The following LTBP1 variants were observed in gnomAD, a reference collection of about 807,000 sequenced individuals.
The protein encoded by LTBP1 is latent transforming growth factor beta binding protein 1, also known as latent-transforming growth factor beta-binding protein 1.
LTBP1 carries 129 observed loss-of-function variants against 207.6 expected under a neutral mutation model. The observed-to-expected ratio is 0.62, with a 90% CI of 0.54 to 0.72. LTBP1 has a LOEUF of 0.72. LTBP1 is among the 30% of genes least tolerant of loss of function. The pLI, the probability that LTBP1 is intolerant of heterozygous loss-of-function variation, is 0.00. For missense variants in LTBP1, 2,281 were observed against 2,217.2 expected, an observed-to-expected ratio of 1.03 and a Z score of -0.58; for synonymous variants, 963 against 833.7, an observed-to-expected ratio of 1.16 and a Z score of -2.67.
At chr2:33,044,357 A>G (rs1419556461) in intron 3 of LTBP1, among the ~76,000 whole-genome samples, 1 of 152,030 alleles carries the variant, frequency 6.6e-6, no homozygotes, top group Non-Finnish European at 1.5e-5. Context: ...GAGTGAGAAC[A>G]TGTGGTGTTT....
At chr2:33,257,775 C>T (rs1182100411) in intron 12 of LTBP1, among the ~76,000 whole-genome samples, 3 of 152,126 alleles carry the variant, frequency 2.0e-5, no homozygotes, top group Non-Finnish European at 2.9e-5. Flanking sequence ...TTTATCTTGG[C>T]GTTTATATCT....
At chr2:33,060,977 C>G (rs1441677021) in intron 3 of LTBP1, among the ~76,000 whole-genome samples, 1 of 151,942 alleles carries the variant, frequency 6.6e-6, no homozygotes, top group Non-Finnish European at 1.5e-5. Context: ...TTGCTTATAT[C>G]AGATCATAGA....
At chr2:33,166,247 T>C (rs939257509) in intron 5 of LTBP1, among the ~76,000 whole-genome samples, 4 of 152,318 alleles carry the variant, frequency 2.6e-5, no homozygotes, top group African/African-American at 9.6e-5. Context: ...ATTTTCATTC[T>C]GAATTAAAAC....
intron 7 of LTBP1, among the ~76,000 whole-genome samples, chr2:33,194,057 G>A (rs922446957): frequency 2.6e-5 from 4 of 152,026 alleles, no homozygotes; most frequent in Non-Finnish European, 2.9e-5. Flanking sequence ...CACGATCCTG[G>A]CTCACTGCAA....
chr2:33,030,040 C>G (rs926959367), intron 3 of LTBP1, among the ~76,000 whole-genome samples: 1 of 152,090 alleles, frequency 6.6e-6, no homozygotes, highest in Non-Finnish European at 1.5e-5. Flanking sequence ...ACTCTCTTTC[C>G]GAGAGTTTCA....
At chr2:33,042,790 G>T (rs2076253548) in intron 3 of LTBP1, among the ~76,000 whole-genome samples, 1 of 152,118 alleles carries the variant, frequency 6.6e-6, no homozygotes, top group African/African-American at 2.4e-5. Context: ...GGCAATTTTT[G>T]ACATTTATGT....
intron 26 of LTBP1, among the ~76,000 whole-genome samples, chr2:33,347,813 A>G (rs1325487820): frequency 6.6e-6 from 1 of 152,226 alleles, no homozygotes; most frequent in African/African-American, 2.4e-5. Flanking sequence ...TTAGAGAGCT[A>G]TCAGCTCAGG....
chr2:33,191,998 A>G (rs776953810), intron 7 of LTBP1, among the ~76,000 whole-genome samples: 9 of 152,226 alleles, frequency 5.9e-5, no homozygotes, highest in Non-Finnish European at 1.2e-4. Flanking sequence ...TTTGTAGGGT[A>G]GAATTTCAGA....
chr2:33,368,493 T>C (rs2095027918), intron 31 of LTBP1, among the ~76,000 whole-genome samples: 1 of 152,224 alleles, frequency 6.6e-6, no homozygotes, highest in Admixed American at 6.5e-5. Context: ...AATGCTGCAA[T>C]GAACCTCCAT....
intron 15 of LTBP1, among the ~76,000 whole-genome samples, chr2:33,271,691 A>T (rs2093325594): frequency 6.6e-6 from 1 of 152,154 alleles, no homozygotes; most frequent in Admixed American, 6.5e-5. Context: ...AAACCATAAA[A>T]CTTGGATCTA....
intron 4 of LTBP1, among the ~76,000 whole-genome samples, chr2:33,129,048 G>C (rs1383774013): frequency 6.6e-6 from 1 of 152,120 alleles, no homozygotes; most frequent in Non-Finnish European, 1.5e-5. Context: ...GAGACACCTG[G>C]AACAGCCTGG....
rs1182637774 is a variant in LTBP1 at position 33,262,795 on chromosome 2, C to G, written c.2492C>G (p.Thr831Ser). Residue 831 changes from threonine (T) to serine (S), a missense_variant, in exon 14 of 34, where the codon ACT (threonine) becomes AGT (serine). Thr to Ser is a moderately conservative substitution (Grantham distance 58). Coordinates refer to ENST00000404816, the MANE Select transcript of LTBP1 (RefSeq NM_206943.4). ...CCCCAGCTGTCTCCAGGCATTTCCA[C>G]TATTCATCTGCATCCACAGTTTCCA... ...GQPQLSPGIS[T>S]IHLHPQFPVV... is the part of the protein sequence containing the mutation. 5.6e-6 allele frequency: 9 copies of G among 1,606,576 alleles called. No individual in the cohort carries two copies. In the Admixed American group the frequency reaches 1.5e-4, roughly 27 times the overall value.
At chr2:32,978,955 A>T (rs1175289463) in intron 2 of LTBP1, among the ~76,000 whole-genome samples, 2 of 151,500 alleles carry the variant, frequency 1.3e-5, no homozygotes, top group Admixed American at 1.3e-4. Context: ...CTGGGAGTTG[A>T]TCCATTTCTC....
chr2:33,318,277 T>C (rs992257667), intron 24 of LTBP1, among the ~76,000 whole-genome samples: 1 of 152,148 alleles, frequency 6.6e-6, no homozygotes, highest in Non-Finnish European at 1.5e-5. Flanking sequence ...CCATGTAAGG[T>C]AAAGAATGGT....
At chr2:33,077,278 A>G (rs1291925250) in intron 3 of LTBP1, among the ~76,000 whole-genome samples, 1 of 152,248 alleles carries the variant, frequency 6.6e-6, no homozygotes, top group Non-Finnish European at 1.5e-5. Context: ...AGGGGGATAC[A>G]AAGCTTTCTC....
intron 2 of LTBP1, among the ~76,000 whole-genome samples, chr2:33,019,977 G>C (rs1185261616): frequency 6.6e-6 from 1 of 150,922 alleles, no homozygotes; most frequent in Non-Finnish European, 1.5e-5. Context: ...ACCTCCTAAA[G>C]TGATGGGCTT....
chr2:33,300,366 A>C (rs1573707449), intron 20 of LTBP1, 85 bp from the exon 21 acceptor site: 1 of 1,383,278 alleles, frequency 7.2e-7, no homozygotes, highest in Non-Finnish European at 1.0e-6. Flanking sequence ...TTTTTGTTAC[A>C]CTAATCCCAG....
intron 2 of LTBP1, among the ~76,000 whole-genome samples, chr2:32,995,415 T>C (rs760222266): frequency 6.6e-5 from 10 of 152,188 alleles, no homozygotes; most frequent in Admixed American, 1.3e-4. Flanking sequence ...TTGACTTTTC[T>C]GTCTTGGTTG....
chr2:33,181,475 A>T (rs530034082), intron 5 of LTBP1, among the ~76,000 whole-genome samples: 1 of 152,184 alleles, frequency 6.6e-6, no homozygotes, highest in African/African-American at 2.4e-5. Flanking sequence ...TCCAGCATGG[A>T]TCCTTTTGCT....
Sources: allele counts gnomAD v4.1 joint callset (sites outside exome capture counted in the v4.1 genomes callset), GRCh38; gene constraint gnomAD v4.1.1; transcripts MANE v1.5; gene names NCBI Gene and HGNC (gene_info 2026-07-23, HGNC 2026-07-21).